The following ERP44 variants were observed in gnomAD, a reference collection of about 807,000 sequenced individuals.
ERP44 encodes the protein endoplasmic reticulum protein 44, also known as endoplasmic reticulum resident protein 44.
Under a neutral mutation model 53.4 loss-of-function variants are expected in ERP44, and 25 were observed. The ratio of observed to expected loss-of-function variants is 0.47; its 90% CI spans 0.34 to 0.65. ERP44 has a LOEUF of 0.65. Ranked by LOEUF, ERP44 falls within the 30% of genes least tolerant of loss-of-function variation. The pLI is 0.01. For synonymous variants in ERP44, 145 were observed against 161.2 expected (o/e 0.90, Z 0.76); for missense variants, 338 against 493.2 (o/e 0.69, Z 2.98).
At chr9:100,063,458 GT>G (rs908234621) in intron 1 of ERP44, among the ~76,000 whole-genome samples, 3 of 151,734 alleles carry the variant, frequency 2.0e-5, no homozygotes, top group Non-Finnish European at 2.9e-5. Flanking sequence ...CGGACAAATT[GT>G]TTTTTTTCCT....
chr9:100,024,209 T>C (rs1457994710), intron 4 of ERP44, among the ~76,000 whole-genome samples: 1 of 151,686 alleles, frequency 6.6e-6, no homozygotes, highest in African/African-American at 2.4e-5. Flanking sequence ...ACTATTTCTC[T>C]AAATGTCCAT....
At chr9:100,088,823 A>G (rs985782876) in intron 1 of ERP44, among the ~76,000 whole-genome samples, 1 of 152,146 alleles carries the variant, frequency 6.6e-6, no homozygotes, top group Non-Finnish European at 1.5e-5. Flanking sequence ...TTCTTCTAAA[A>G]GTTTTCTCTT....
intron 1 of ERP44, among the ~76,000 whole-genome samples, chr9:100,067,402 G>C (rs564475215): frequency 2.6e-5 from 4 of 152,188 alleles, no homozygotes; most frequent in Admixed American, 2.0e-4. Context: ...TGTGTTGGCC[G>C]GGCTGGTCTC....
intron 4 of ERP44, among the ~76,000 whole-genome samples, chr9:100,029,159 A>G (rs1206118364): frequency 6.8e-6 from 1 of 148,024 alleles, no homozygotes; most frequent in Non-Finnish European, 1.5e-5. Flanking sequence ...ATGCACAGGC[A>G]AAAAAAAAAG....
intron 1 of ERP44, among the ~76,000 whole-genome samples, chr9:100,078,356 G>A (rs1032913071): frequency 1.6e-4 from 25 of 151,968 alleles, no homozygotes; most frequent in African/African-American, 5.1e-4. Context: ...TACTCAGGAG[G>A]GTGAGGCAGG....
In ERP44 at chr9:100,020,660, T is replaced by C. The variant is rs1323120822; in HGVS notation, c.543A>G (p.Val181=). The C allele has an allele frequency of 8.7e-6, 14 of 1,610,936 alleles. No homozygotes were observed. The highest frequency in any genetic ancestry group is 1.2e-5 in the Non-Finnish European group (14 of 1,177,574). The change falls in exon 6 of 12, where the codon GTA becomes GTG. Residue 181 remains valine, a synonymous_variant. Coordinates refer to ENST00000262455, the MANE Select transcript of ERP44 (RefSeq NM_015051.3). ...DSDNYRVFER[V]ANILHDDCAF... ...CACAGTCATCATGCAAAATATTCGC[T>C]ACTCGTTCAAAAACTCTATAGTTGT...
At chr9:100,088,406 C>T (rs971662249) in intron 1 of ERP44, among the ~76,000 whole-genome samples, 1 of 152,202 alleles carries the variant, frequency 6.6e-6, no homozygotes, top group African/African-American at 2.4e-5. Flanking sequence ...CTGGAAGGCT[C>T]TTCTTCCAGG....
At chr9:99,984,901 C>A (rs1830180451) in intron 11 of ERP44, 66 bp downstream of exon 11, 3 of 944,024 alleles carry the variant, frequency 3.2e-6, no homozygotes, top group South Asian at 1.5e-5. Context: ...AACTTCAGAC[C>A]CTCTTTGAGG....
chr9:99,988,198 T>C (rs1030997361), intron 10 of ERP44, among the ~76,000 whole-genome samples: 29 of 152,226 alleles, frequency 1.9e-4, no homozygotes, highest in African/African-American at 7.0e-4. Flanking sequence ...CCTTCACATG[T>C]GTTTATCTGC....
intron 1 of ERP44, among the ~76,000 whole-genome samples, chr9:100,075,568 C>G (rs560932876): frequency 6.6e-6 from 1 of 152,134 alleles, no homozygotes; most frequent in Non-Finnish European, 1.5e-5. Context: ...AGCAGACACA[C>G]GGGACTTCTT....
intron 1 of ERP44, among the ~76,000 whole-genome samples, chr9:100,097,578 T>C (rs1311411998): frequency 1.3e-5 from 2 of 152,248 alleles, no homozygotes; most frequent in South Asian, 2.1e-4. Flanking sequence ...TGTATACTTA[T>C]AAGAAGTGGC....
intron 8 of ERP44, among the ~76,000 whole-genome samples, chr9:100,012,337 A>G (rs1830483903): frequency 6.6e-6 from 1 of 152,210 alleles, no homozygotes; most frequent in African/African-American, 2.4e-5. Context: ...GCTTAAAAAT[A>G]TATTAATCAC....
chr9:99,992,886 C>A (rs1830270411), intron 10 of ERP44, among the ~76,000 whole-genome samples: 1 of 151,876 alleles, frequency 6.6e-6, no homozygotes, highest in East Asian at 1.9e-4. Context: ...GACAGCCAGC[C>A]AAATCATGAG....
intron 4 of ERP44, among the ~76,000 whole-genome samples, chr9:100,026,697 G>T (rs1412510391): frequency 6.6e-6 from 1 of 152,108 alleles, no homozygotes; most frequent in African/African-American, 2.4e-5. Context: ...TTCCTAGTAG[G>T]TTTCATTTAG....
Position 100,048,252 on chromosome 9 carries a change from C to T in ERP44, c.286+4165G>A, listed in dbSNP as rs760024066. ...CGAGTTAATGGGTGCAGCACACCAA[C>T]ATGGCACATTTATACATATGTTAAC... On this transcript the variant is annotated intron_variant, in intron 4 of 11. Coordinates refer to ENST00000262455, the MANE Select transcript of ERP44 (RefSeq NM_015051.3). 1.4e-4 allele frequency among the ~76,000 whole-genome samples: 22 copies of T among 152,174 alleles called. No individual in the cohort carries two copies. In the Middle Eastern group the frequency reaches 0.01, roughly 71 times the overall value.
chr9:100,061,173 T>A (rs1826142120), intron 1 of ERP44, among the ~76,000 whole-genome samples: 1 of 152,212 alleles, frequency 6.6e-6, no homozygotes, highest in African/African-American at 2.4e-5. Context: ...CTGGGCATGG[T>A]GGCTCATGCC....
intron 10 of ERP44, among the ~76,000 whole-genome samples, chr9:99,995,940 T>C: frequency 6.7e-6 from 1 of 149,794 alleles, no homozygotes; most frequent in African/African-American, 2.4e-5. Flanking sequence ...TTTTTTTTTT[T>C]TATTTTGAGT....
Position 100,034,467 on chromosome 9 carries a change from T to C in ERP44, c.287-12241A>G, listed in dbSNP as rs558435473. Among the ~76,000 whole-genome samples, 3 of 152,186 alleles carry C rather than the reference T, an allele frequency of 2.0e-5. No homozygotes were observed. In the East Asian group the frequency reaches 5.8e-4, roughly 29 times the overall value. ...TTAGCATATAATAAAGAAGTAACCA[T>C]AAAAATAGCCAGCCAGCAGCCCTTG... is the stretch of plus-strand genomic sequence containing the variant. On this transcript the variant is annotated intron_variant, in intron 4 of 11. Transcript: ENST00000262455.
intron 1 of ERP44, among the ~76,000 whole-genome samples, chr9:100,063,017 T>TGAGCTATG (rs1826169159): frequency 7.5e-6 from 1 of 132,864 alleles, no homozygotes; most frequent in East Asian, 2.4e-4. Flanking sequence ...GAGTTTGCAG[T>TGAGCTATG]GAGCTATGAT....
Sources: allele counts gnomAD v4.1 joint callset (sites outside exome capture counted in the v4.1 genomes callset), GRCh38; gene constraint gnomAD v4.1.1; transcripts MANE v1.5; gene names NCBI Gene and HGNC (gene_info 2026-07-23, HGNC 2026-07-21).